Variants in SYNPR observed in about 807,000 individuals in gnomAD.
SYNPR encodes the protein synaptoporin.
Under a neutral mutation model 32.9 loss-of-function variants are expected in SYNPR, and 23 were observed. The ratio of observed to expected loss-of-function variants is 0.70; its 90% CI spans 0.50 to 0.99. SYNPR has a LOEUF of 0.99. Ranked by LOEUF, SYNPR falls within the 50% of genes least tolerant of loss-of-function variation. SYNPR has a pLI of 0.00. For missense variants in SYNPR, 318 were observed against 349.3 expected (o/e 0.91, Z 0.71); for synonymous variants, 146 against 135.9 (o/e 1.07, Z -0.52).
intron 2 of SYNPR, chr3:63,452,208 C>G (rs887105370): frequency 1.7e-6 from 1 of 604,534 alleles, no homozygotes; most frequent in African/African-American, 1.9e-5. Context: ...CACTGGGTGC[C>G]GGGTTAAGAT....
chr3:63,479,667 C>G (rs1202699460), intron 2 of SYNPR, among the ~76,000 whole-genome samples: 3 of 152,122 alleles, frequency 2.0e-5, no homozygotes, highest in Non-Finnish European at 4.4e-5. Flanking sequence ...CTGGAAAGAC[C>G]TGGTGATCTT....
intron 2 of SYNPR, among the ~76,000 whole-genome samples, chr3:63,358,152 ATGATGAATT>A (rs2087607401): frequency 6.6e-6 from 1 of 152,220 alleles, no homozygotes; most frequent in African/African-American, 2.4e-5. Flanking sequence ...TGGCTGTTGA[ATGATGAATT>A]CATTTCCTGT....
At chr3:63,283,394 C>G (rs980100239) in intron 2 of SYNPR, among the ~76,000 whole-genome samples, 4 of 152,144 alleles carry the variant, frequency 2.6e-5, no homozygotes, top group Non-Finnish European at 5.9e-5. Flanking sequence ...TTAATCTCTA[C>G]TTAAATGAGG....
rs1232544192 is a variant in SYNPR, at chr3:63,512,257, T to C, written c.209+31301T>C. Among the ~76,000 whole-genome samples, 3 of 152,160 alleles carry C rather than the reference T, an allele frequency of 2.0e-5. No homozygotes were observed. In the East Asian group the frequency reaches 5.8e-4, roughly 29 times the overall value. On this transcript the variant is annotated intron_variant, in intron 3 of 5. Transcript: ENST00000478300. ...TTTTGGCACTGCCTCTTTCTGTGTGTCTGCCTCATTTTCCCAACCTCAGTG... is the reference window on the plus strand; with the variant it reads ...TTTTGGCACTGCCTCTTTCTGTGTGCCTGCCTCATTTTCCCAACCTCAGTG...
At chr3:63,311,009 T>A (rs57057258) in intron 2 of SYNPR, among the ~76,000 whole-genome samples, 67,997 of 151,544 alleles carry the variant, frequency 0.45, 15,449 homozygotes, top group Middle Eastern at 0.53. Flanking sequence ...GTCATTTATG[T>A]GGTATCCTTC....
chr3:63,393,941 C>T (rs569172413), intron 2 of SYNPR, among the ~76,000 whole-genome samples: 1 of 152,204 alleles, frequency 6.6e-6, no homozygotes, highest in African/African-American at 2.4e-5. Flanking sequence ...TGAACATTTT[C>T]TTTTTGTTAT....
chr3:63,442,353 C>A (rs1475740745), intron 2 of SYNPR, among the ~76,000 whole-genome samples: 6 of 152,150 alleles, frequency 3.9e-5, no homozygotes, highest in Non-Finnish European at 8.8e-5. Flanking sequence ...AGCCTATGTG[C>A]ATTTCAACAT....
chr3:63,283,598 A>C (rs2086651538), intron 2 of SYNPR, among the ~76,000 whole-genome samples: 1 of 150,246 alleles, frequency 6.7e-6, no homozygotes, highest in Non-Finnish European at 1.5e-5. Flanking sequence ...CTAAGTTGGC[A>C]TAGTCCTGTC....
intron 2 of SYNPR, among the ~76,000 whole-genome samples, chr3:63,289,712 T>C (rs1237899085): frequency 6.6e-6 from 1 of 152,204 alleles, no homozygotes; most frequent in East Asian, 1.9e-4. Context: ...ATCCAAACTA[T>C]AGCATAAGAC....
chr3:63,606,619 T>A (rs1700127272), intron 4 of SYNPR, among the ~76,000 whole-genome samples: 1 of 151,940 alleles, frequency 6.6e-6, no homozygotes, highest in African/African-American at 2.4e-5. Context: ...TCTGTAGTGA[T>A]GAAGTCTCAC....
At chr3:63,393,738 G>C (rs561201956) in intron 2 of SYNPR, among the ~76,000 whole-genome samples, 2 of 151,884 alleles carry the variant, frequency 1.3e-5, no homozygotes, top group South Asian at 4.2e-4. Flanking sequence ...CTTGAGCTCC[G>C]TGCCTCAAGC....
chr3:63,226,733 G>T (rs964684030), upstream of SYNPR, among the ~76,000 whole-genome samples: 20 of 152,104 alleles, frequency 1.3e-4, no homozygotes, highest in African/African-American at 4.8e-4. Flanking sequence ...AAGGAAGAGA[G>T]ATTGGTGAAT....
intron 2 of SYNPR, among the ~76,000 whole-genome samples, chr3:63,336,519 CAAAAAA>C (rs3082131): frequency 2.0e-5 from 1 of 48,816 alleles, no homozygotes; most frequent in African/African-American, 7.0e-5. Context: ...CATTCCCATG[CAAAAAA>C]AAAAAAAAAA....
chr3:63,235,571 G>A (rs921463570), intron 1 of SYNPR, among the ~76,000 whole-genome samples: 28 of 152,122 alleles, frequency 1.8e-4, no homozygotes, highest in African/African-American at 6.8e-4. Flanking sequence ...AGGAAGCTGT[G>A]TGTTTAACCA....
At chr3:63,472,568 T>A (rs1700823818) in intron 2 of SYNPR, among the ~76,000 whole-genome samples, 1 of 152,178 alleles carries the variant, frequency 6.6e-6, no homozygotes, top group South Asian at 2.1e-4. Context: ...TATTGCCCAT[T>A]CCTTCATATA....
intron 2 of SYNPR, among the ~76,000 whole-genome samples, chr3:63,415,618 G>A (rs949820701): frequency 3.3e-5 from 5 of 152,076 alleles, no homozygotes; most frequent in Middle Eastern, 3.2e-3. Flanking sequence ...CCAAATCAAC[G>A]CGGCTGTTTT....
At chr3:63,387,755 A>T (rs753919633) in intron 2 of SYNPR, among the ~76,000 whole-genome samples, 10 of 152,146 alleles carry the variant, frequency 6.6e-5, no homozygotes, top group Non-Finnish European at 1.0e-4. Context: ...AGTGGAGGCT[A>T]TTGAGGGTAT....
chr3:63,327,611 A>C (rs187396608), intron 2 of SYNPR, among the ~76,000 whole-genome samples: 2 of 152,284 alleles, frequency 1.3e-5, no homozygotes, highest in Admixed American at 1.3e-4. Context: ...AGTGATGAGA[A>C]TGGACAAACT....
At chr3:63,578,826 G>T (rs1232676686) in intron 4 of SYNPR, among the ~76,000 whole-genome samples, 4 of 152,112 alleles carry the variant, frequency 2.6e-5, no homozygotes, top group African/African-American at 7.2e-5. Context: ...GTTCAGCAAG[G>T]CAGATACACC....
Sources: allele counts gnomAD v4.1 joint callset (sites outside exome capture counted in the v4.1 genomes callset), GRCh38; gene constraint gnomAD v4.1.1; transcripts MANE v1.5; gene names NCBI Gene and HGNC (gene_info 2026-07-23, HGNC 2026-07-21).